The following MTMR10 variants were observed in gnomAD, a reference collection of about 807,000 sequenced individuals.
The protein encoded by MTMR10 is myotubularin related protein 10, also known as myotubularin-related protein 10.
A neutral mutation model predicts 88.1 loss-of-function variants in MTMR10; 56 were observed. That is an observed-to-expected ratio of 0.64 (90% CI 0.51 to 0.79). The LOEUF (loss-of-function observed/expected upper bound fraction) is 0.79, where lower values mean the gene tolerates loss of function less well. MTMR10 is among the 30% of genes least tolerant of loss of function. The pLI is 0.00. For synonymous variants in MTMR10, 380 were observed against 340.9 expected (o/e 1.11, Z -1.26); for missense variants, 883 against 924.7 (o/e 0.95, Z 0.58).
At chr15:30,921,867 T>C in the MTMR10 span, among the ~76,000 whole-genome samples, 1 of 152,222 alleles carries the variant, frequency 6.6e-6, no homozygotes, top group Non-Finnish European at 1.5e-5. Context: ...TCCTGTGACC[T>C]GCTGTGTTCC....
the MTMR10 span, among the ~76,000 whole-genome samples, chr15:30,930,243 C>T: frequency 6.6e-6 from 1 of 151,754 alleles, no homozygotes; most frequent in South Asian, 2.1e-4. Flanking sequence ...TGAGGCCATG[C>T]TGTCGCGTTC....
the MTMR10 span, chr15:30,920,446 T>G: frequency 1.2e-6 from 1 of 801,948 alleles, no homozygotes; most frequent in Admixed American, 2.3e-5. Flanking sequence ...AATATACCTT[T>G]TTAAAAGATA....
At chr15:30,938,410 G>A (rs529159681), downstream of MTMR10, among the ~76,000 whole-genome samples, 12 of 152,228 alleles carry the variant, frequency 7.9e-5, 1 homozygote, top group South Asian at 2.5e-3. Flanking sequence ...GTAAATGCTT[G>A]TTCTACTGAT....
In MTMR10 at chr15:30,952,057, A is replaced by T; in HGVS notation, c.1137-19T>A. On this transcript the variant is annotated intron_variant, in intron 11 of 15. Coordinates refer to ENST00000435680, the MANE Select transcript of MTMR10 (RefSeq NM_017762.3). ...GAATGCCCTGAAGAGAGAAAAGGAA[A>T]AGCAGTGTTAAAAATCAAATTTCCA... 1 of 1,604,150 alleles carries T rather than the reference A, an allele frequency of 6.2e-7. No individual in the cohort carries two copies. Among genetic ancestry groups the T allele is most frequent in the East Asian group, 2.2e-5 (1 of 44,836 alleles).
At chr15:30,985,321 T>C (rs1166922542) in intron 2 of MTMR10, among the ~76,000 whole-genome samples, 5 of 152,204 alleles carry the variant, frequency 3.3e-5, no homozygotes, top group Admixed American at 6.5e-5. Flanking sequence ...CTGTCACTGT[T>C]GTGAAAAGGG....
At chr15:30,961,372 T>C (rs1384882806) in intron 6 of MTMR10, among the ~76,000 whole-genome samples, 2 of 152,126 alleles carry the variant, frequency 1.3e-5, no homozygotes, top group Non-Finnish European at 2.9e-5. Flanking sequence ...TAGCTGGGAT[T>C]ACAGGCACCT....
chr15:30,939,581 CTA>C lies in MTMR10; in HGVS notation c.*1887_*1888del, dbSNP rs1419423546. 1.1e-6 allele frequency: 1 copy of C among 950,656 alleles called. No individual in the cohort carries two copies. Among genetic ancestry groups the C allele is most frequent in the East Asian group, 1.2e-4 (1 of 8,634 alleles). The allele number at this position is 950,656 out of a possible 1,614,324, so 58.9% of individuals were successfully genotyped here. A position where few individuals can be genotyped will look rare whatever the true frequency, so the allele number is the denominator to read the frequency against. On this transcript the variant is annotated 3_prime_UTR_variant, in exon 16 of 16. Coordinates refer to ENST00000435680, the MANE Select transcript of MTMR10 (RefSeq NM_017762.3). ...TTATCATACAAAAATATGCATTTTT[CTA>C]TTTTTAACCATTATTAATAGTACCT...
chr15:30,951,147 G>T (rs375501443), intron 12 of MTMR10, among the ~76,000 whole-genome samples: 1 of 152,180 alleles, frequency 6.6e-6, no homozygotes, highest in African/African-American at 2.4e-5. Context: ...TCTATTAGCT[G>T]TAAGTTATTT....
At chr15:30,928,680 G>A in the MTMR10 span, 12 of 1,613,296 alleles carry the variant, frequency 7.4e-6, no homozygotes, top group South Asian at 3.3e-5. Context: ...CCTGCCCCAC[G>A]AGTAGGTCCT....
intron 14 of MTMR10, 90 bp from the exon 15 acceptor site, chr15:30,943,162 A>T: frequency 6.8e-7 from 1 of 1,470,132 alleles, no homozygotes; most frequent in Non-Finnish European, 9.0e-7. Context: ...TACACAGGTT[A>T]AATGTTCTGT....
chr15:30,944,260 T>G (rs2063134189), intron 14 of MTMR10, among the ~76,000 whole-genome samples: 1 of 152,108 alleles, frequency 6.6e-6, no homozygotes, highest in Non-Finnish European at 1.5e-5. Flanking sequence ...AAGCACCAAA[T>G]ACACATACTC....
chr15:30,990,937 A>G lies in MTMR10; in HGVS notation c.61-100T>C, dbSNP rs982044765. 10 of 920,916 alleles carry G rather than the reference A, an allele frequency of 1.1e-5. No individual in the cohort carries two copies. In the Admixed American group the frequency reaches 1.3e-4, roughly 12 times the overall value. 57.0% of individuals were successfully genotyped at this position (920,916 alleles called of 1,614,324 possible). A position where few individuals can be genotyped will look rare whatever the true frequency, so the allele number is the denominator to read the frequency against. On this transcript the variant is annotated intron_variant, in intron 1 of 15. Transcript: ENST00000435680. ...TTCTAAGTGATGACACATGCGAAAG[A>G]CACACAGCCCCCCATTTAAATTCTT...
At chr15:30,944,760 C>T (rs2063144937) in intron 14 of MTMR10, among the ~76,000 whole-genome samples, 2 of 151,964 alleles carry the variant, frequency 1.3e-5, no homozygotes, top group Admixed American at 1.3e-4. Flanking sequence ...CCTGTAATCC[C>T]AGTACTTTGG....
chr15:30,991,291 A>G, intron 1 of MTMR10, 156 bp downstream of exon 1: 1 of 681,408 alleles, frequency 1.5e-6, no homozygotes, highest in Admixed American at 4.2e-5. Flanking sequence ...GCTCCCGAGA[A>G]GGCGCATTTC....
At chr15:30,920,615 C>T in the MTMR10 span, 22 of 1,611,662 alleles carry the variant, frequency 1.4e-5, no homozygotes, top group East Asian at 2.2e-5. Flanking sequence ...GATTTTGTCT[C>T]GGTTTGTGGA....
chr15:30,943,346 TA>T (rs1302164212), intron 14 of MTMR10: 12 of 985,098 alleles, frequency 1.2e-5, no homozygotes, highest in Non-Finnish European at 1.4e-5. Flanking sequence ...AGAATGTTAT[TA>T]AGAGAAGTTT....
At chr15:30,938,882 C>CCTT, downstream of MTMR10, 1 of 962,376 alleles carries the variant, frequency 1.0e-6, no homozygotes, top group South Asian at 4.8e-5. Flanking sequence ...GGAGAAGATG[C>CCTT]CTTCACCTCT....
At chr15:30,989,320 G>C (rs561651890) in intron 2 of MTMR10, among the ~76,000 whole-genome samples, 26 of 152,162 alleles carry the variant, frequency 1.7e-4, no homozygotes, top group African/African-American at 6.0e-4. Flanking sequence ...AGTACACACT[G>C]TTGAGTGAAA....
the MTMR10 span, chr15:30,925,793 C>T: frequency 1.2e-6 from 2 of 1,614,132 alleles, no homozygotes; most frequent in Admixed American, 3.3e-5. Flanking sequence ...TTTCAGGTGA[C>T]CATCACAGGC....
Sources: allele counts gnomAD v4.1 joint callset (sites outside exome capture counted in the v4.1 genomes callset), GRCh38; gene constraint gnomAD v4.1.1; transcripts MANE v1.5; gene names NCBI Gene and HGNC (gene_info 2026-07-23, HGNC 2026-07-21).